Variants in TTBK2 observed in about 807,000 individuals in gnomAD.
TTBK2 encodes tau tubulin kinase 2.
Under a neutral mutation model 110.8 loss-of-function variants are expected in TTBK2, and 28 were observed. The ratio of observed to expected loss-of-function variants is 0.25; its 90% CI spans 0.19 to 0.35. The LOEUF is 0.35. TTBK2 is among the 10% of genes least tolerant of loss of function. The pLI is 1.00. For missense variants in TTBK2, 1,369 were observed against 1,500.3 expected, an observed-to-expected ratio of 0.91 and a Z score of 1.45; for synonymous variants, 532 against 527.3, an observed-to-expected ratio of 1.01 and a Z score of -0.12.
intron 4 of TTBK2, among the ~76,000 whole-genome samples, chr15:42,837,570 A>G (rs1893040527): frequency 6.6e-6 from 1 of 151,302 alleles, no homozygotes; most frequent in South Asian, 2.1e-4. Flanking sequence ...GAGGCACAAT[A>G]ATCACTTGAA....
intron 13 of TTBK2, among the ~76,000 whole-genome samples, chr15:42,763,095 T>TATATATACGTATATATATATATACAC (rs1325301173): frequency 8.3e-6 from 1 of 120,072 alleles, no homozygotes; most frequent in Non-Finnish European, 1.6e-5. Context: ...TATATATATA[T>TATATATACGTATATATATATATACAC]ATATATACGT....
chr15:42,802,441 CAGA>C (rs748967017), intron 9 of TTBK2: 24 of 700,732 alleles, frequency 3.4e-5, no homozygotes, highest in Admixed American at 3.3e-4. Context: ...GACGGAATCC[CAGA>C]AGGAGTGGAG....
intron 10 of TTBK2, among the ~76,000 whole-genome samples, chr15:42,792,392 G>A (rs576918435): frequency 2.0e-5 from 3 of 152,072 alleles, no homozygotes; most frequent in African/African-American, 7.2e-5. Context: ...TCTCCTGACT[G>A]GACCCAAATT....
intron 14 of TTBK2, among the ~76,000 whole-genome samples, chr15:42,749,514 C>G (rs1219986730): frequency 1.3e-5 from 2 of 152,236 alleles, no homozygotes; most frequent in African/African-American, 4.8e-5. Context: ...AGTGTGCACA[C>G]AGCTTACAAG....
At chr15:42,759,356 A>G (rs1274966578) in intron 13 of TTBK2, among the ~76,000 whole-genome samples, 4 of 151,934 alleles carry the variant, frequency 2.6e-5, no homozygotes, top group Admixed American at 6.6e-5. Context: ...TGGCAGATAC[A>G]CCCCCAGGCC....
At chr15:42,920,392 G>A (rs2031306988) in intron 1 of TTBK2, 46 bp downstream of exon 1, 1 of 152,604 alleles carries the variant, frequency 6.6e-6, no homozygotes, top group African/African-American at 2.4e-5. Flanking sequence ...AGGGGGTCGA[G>A]ACTGGGGGAG....
chr15:42,774,807 T>C (rs1889828894), intron 13 of TTBK2, among the ~76,000 whole-genome samples: 1 of 152,214 alleles, frequency 6.6e-6, no homozygotes, highest in Non-Finnish European at 1.5e-5. Flanking sequence ...AGTAAATGTA[T>C]AGTAAAAATT....
Position 42,752,762 on chromosome 15 carries a change from T to G in TTBK2, c.2484A>C (p.Thr828=), listed in dbSNP as rs567793736. 144 of 1,614,224 alleles carry G rather than the reference T, an allele frequency of 8.9e-5. No individual in the cohort carries two copies. In the South Asian group the frequency reaches 1.1e-3, roughly 12 times the overall value. ...ATTEPLDVTK[T]QTFSVVPNQD... is the part of the protein sequence containing the mutation. ...GATTTGGCACCACACTAAAAGTCTG[T>G]GTTTTTGTCACATCAAGAGGTTCAG... Residue 828 remains threonine, a synonymous_variant, in exon 14 of 15, where the codon ACA becomes ACC. Transcript: ENST00000267890.
chr15:42,799,244 C>T (rs1301874772), intron 9 of TTBK2, among the ~76,000 whole-genome samples: 2 of 151,860 alleles, frequency 1.3e-5, no homozygotes, highest in Non-Finnish European at 2.9e-5. Flanking sequence ...GTGGCGGGCA[C>T]CTGTAGTCCC....
intron 1 of TTBK2, among the ~76,000 whole-genome samples, chr15:42,891,362 C>A (rs1895448660): frequency 6.6e-6 from 1 of 151,260 alleles, no homozygotes; most frequent in Admixed American, 6.6e-5. Context: ...TTTGTAGAGA[C>A]AGAGTCTGGG....
At chr15:42,828,657 A>G (rs986209924) in intron 5 of TTBK2, among the ~76,000 whole-genome samples, 8 of 150,628 alleles carry the variant, frequency 5.3e-5, no homozygotes, top group Non-Finnish European at 1.2e-4. Context: ...CAGGAGGCGG[A>G]GATTACAGTG....
chr15:42,815,385 GT>G (rs1891895389), intron 7 of TTBK2, among the ~76,000 whole-genome samples: 1 of 152,076 alleles, frequency 6.6e-6, no homozygotes. Context: ...TATTGGTCAA[GT>G]TCTCATTTTG....
chr15:42,765,378 T>G (rs982334556), intron 13 of TTBK2, among the ~76,000 whole-genome samples: 1 of 152,188 alleles, frequency 6.6e-6, no homozygotes, highest in African/African-American at 2.4e-5. Context: ...GAAAAAAGAT[T>G]AGACGAATGG....
At chr15:42,836,604 T>C (rs1009842221) in intron 4 of TTBK2, among the ~76,000 whole-genome samples, 1 of 152,184 alleles carries the variant, frequency 6.6e-6, no homozygotes. Context: ...AAGGTCATCA[T>C]TGCCTAATAT....
At chr15:42,807,591 T>TTGTTGTTG (rs1555426568) in intron 9 of TTBK2, among the ~76,000 whole-genome samples, 7 of 150,630 alleles carry the variant, frequency 4.6e-5, no homozygotes, top group African/African-American at 1.7e-4. Flanking sequence ...TTTGTTGTTT[T>TTGTTGTTG]TTGTTGTTGT....
chr15:42,788,209 T>C (rs1334393646), intron 10 of TTBK2, among the ~76,000 whole-genome samples: 1 of 152,186 alleles, frequency 6.6e-6, no homozygotes, highest in Non-Finnish European at 1.5e-5. Context: ...GGGCCTTTGA[T>C]ATTTTAATTT....
intron 3 of TTBK2, among the ~76,000 whole-genome samples, chr15:42,852,385 A>G (rs1893755758): frequency 6.6e-6 from 1 of 152,184 alleles, no homozygotes; most frequent in South Asian, 2.1e-4. Flanking sequence ...AACTATGTAT[A>G]CATTAAGTTC....
chr15:42,864,306 C>T (rs1212497391), intron 3 of TTBK2, among the ~76,000 whole-genome samples: 1 of 152,110 alleles, frequency 6.6e-6, no homozygotes, highest in African/African-American at 2.4e-5. Flanking sequence ...CAGAGAAGGC[C>T]AGGCGTGGTG....
At chr15:42,888,365 C>A (rs907758470) in intron 1 of TTBK2, among the ~76,000 whole-genome samples, 7 of 152,066 alleles carry the variant, frequency 4.6e-5, no homozygotes, top group African/African-American at 1.7e-4. Context: ...CACACCTGAC[C>A]CCCGTGACTG....
Sources: gnomAD v4.1 joint callset for allele counts (sites outside exome capture counted in the v4.1 genomes callset) on GRCh38, gnomAD v4.1.1 for gene constraint, MANE v1.5 for transcripts, NCBI Gene and HGNC (gene_info 2026-07-23, HGNC 2026-07-21) for gene names.